The following CCDC180 variants were observed in gnomAD, a reference collection of about 807,000 sequenced individuals.
The protein encoded by CCDC180 is coiled-coil domain containing 180.
CCDC180 carries 154 observed loss-of-function variants against 209.2 expected under a neutral mutation model. The observed-to-expected ratio is 0.74, with a 90% CI of 0.65 to 0.84. The LOEUF is 0.84. CCDC180 is among the 40% of genes least tolerant of loss of function. The probability of loss-of-function intolerance (pLI) is 0.00; values close to 1 mark genes in which losing one functional copy is unlikely to be tolerated. For missense variants in CCDC180, 1,874 were observed against 1,997.3 expected (o/e 0.94, Z 1.18); for synonymous variants, 778 against 749.1 (o/e 1.04, Z -0.63).
intron 25 of CCDC180, among the ~76,000 whole-genome samples, chr9:97,358,516 C>G (rs973648076): frequency 2.0e-5 from 3 of 152,010 alleles, no homozygotes; most frequent in African/African-American, 7.3e-5. Flanking sequence ...AGCGTGGTTC[C>G]AAGCGTTCGC....
chr9:97,331,561 C>T (rs1825751530), intron 18 of CCDC180, among the ~76,000 whole-genome samples: 2 of 152,140 alleles, frequency 1.3e-5, no homozygotes, highest in South Asian at 4.1e-4. Context: ...TTGCCAGCAT[C>T]TGTTGTTTTT....
chr9:97,344,366 G>C (rs1262553470), intron 19 of CCDC180, among the ~76,000 whole-genome samples: 1 of 152,122 alleles, frequency 6.6e-6, no homozygotes, highest in East Asian at 1.9e-4. Flanking sequence ...TCCTACACCT[G>C]AGCAGCATCT....
In CCDC180 at chr9:97,353,806, T is replaced by C. The variant is rs570642610; in HGVS notation, c.3003-763T>C. Among the ~76,000 whole-genome samples the C allele has an allele frequency of 5.9e-5, 9 of 152,298 alleles. No homozygotes were observed. The South Asian group carries it at 1.7e-3, about 28-fold the overall frequency. On this transcript the variant is annotated intron_variant, in intron 22 of 36. Coordinates refer to ENST00000529487, the MANE Select transcript of CCDC180 (RefSeq NM_020893.6). ...CTTGGATCTAGACAGGCAAGAGTCC[T>C]GGTATCTGGTGGGGTTCGTTTCTTC... is the stretch of plus-strand genomic sequence containing the variant.
chr9:97,357,425 C>A (rs776754141), intron 24 of CCDC180, among the ~76,000 whole-genome samples: 2 of 152,164 alleles, frequency 1.3e-5, no homozygotes, highest in Non-Finnish European at 2.9e-5. Flanking sequence ...TCTGGGGTGC[C>A]AATTTTGCTT....
intron 17 of CCDC180, 50 bp downstream of exon 17, chr9:97,330,243 C>T (rs774813103): frequency 6.2e-6 from 10 of 1,609,870 alleles, no homozygotes; most frequent in South Asian, 3.3e-5. Flanking sequence ...CACTCTTACG[C>T]GTTTGTGGGT....
intron 9 of CCDC180, among the ~76,000 whole-genome samples, chr9:97,317,519 A>G (rs887825406): frequency 1.3e-4 from 20 of 152,180 alleles, no homozygotes; most frequent in Non-Finnish European, 1.9e-4. Flanking sequence ...CTTCATGACC[A>G]TTCTCTGAGC....
chr9:97,332,302 A>G (rs1006079978), intron 18 of CCDC180, among the ~76,000 whole-genome samples: 2 of 152,178 alleles, frequency 1.3e-5, no homozygotes, highest in Admixed American at 1.3e-4. Context: ...GTCAAGTAAC[A>G]TGATACCTCC....
At chr9:97,314,364 T>G in intron 5 of CCDC180, 29 bp from the exon 6 acceptor site, 9 of 1,613,338 alleles carry the variant, frequency 5.6e-6, no homozygotes, top group Non-Finnish European at 7.6e-6. Context: ...TGCTGATGCC[T>G]TGGCCATCAT....
chr9:97,307,391 A>T (rs1185816292), upstream of CCDC180: 1 of 530,678 alleles, frequency 1.9e-6, no homozygotes, highest in Non-Finnish European at 3.6e-6. Flanking sequence ...GCAGGCGGGG[A>T]CGCGGCCAGG....
chr9:97,325,756 G>A (rs572550420), intron 14 of CCDC180, among the ~76,000 whole-genome samples: 2 of 152,326 alleles, frequency 1.3e-5, no homozygotes, highest in Admixed American at 6.5e-5. Context: ...GGGTAGTGCC[G>A]GTGCTGGTGG....
At position 97,361,728 on chromosome 9, in the gene CCDC180, C is replaced by T. The variant is rs535597874; in HGVS notation, c.3486C>T (p.Asn1162=). The T allele has an allele frequency of 6.2e-7, 1 of 1,613,836 alleles. No individual in the cohort carries two copies. Among genetic ancestry groups the T allele is most frequent in the Admixed American group, 1.7e-5 (1 of 60,016 alleles). ...RVSMTELVFT[N]TILKDQEEDS... ...AGGCCCTTCTCTCTGGCCTGCAGAA[C>T]ACCATCCTGAAGGACCAGGAGGAAG... The change falls in exon 27 of 37, where the codon AAC becomes AAT. Residue 1162 remains asparagine, a splice_region_variant and synonymous_variant. Transcript: ENST00000529487.
At chr9:97,354,474 C>G (rs1259936615) in intron 22 of CCDC180, 95 bp from the exon 23 acceptor site, 1 of 1,252,606 alleles carries the variant, frequency 8.0e-7, no homozygotes, top group Non-Finnish European at 1.1e-6. Context: ...TAACCGGAAG[C>G]CTAGATTAAA....
In CCDC180 at chr9:97,307,864, T is replaced by C; in HGVS notation, c.-82+58T>C. ...CCTAAGTCGACGTTCCCCAGCCGCCTACCCCCCAGCAGAGAGTCCTTCCCC... is the reference window on the plus strand; with the variant it reads ...CCTAAGTCGACGTTCCCCAGCCGCCCACCCCCCAGCAGAGAGTCCTTCCCC... On this transcript the variant is annotated intron_variant, in intron 1 of 36. Transcript: ENST00000529487. The C allele has an allele frequency of 1.9e-6, 3 of 1,607,934 alleles. No homozygotes were observed. The East Asian group carries it at 6.7e-5, about 36-fold the overall frequency.
At chr9:97,316,043 G>C (rs1042360536) in intron 8 of CCDC180, among the ~76,000 whole-genome samples, 2 of 152,136 alleles carry the variant, frequency 1.3e-5, no homozygotes, top group Non-Finnish European at 2.9e-5. Context: ...TTGTTGGGAG[G>C]ATAATAAAAG....
At chr9:97,314,353 G>A (rs1469800164) in intron 5 of CCDC180, 40 bp from the exon 6 acceptor site, 13 of 1,612,856 alleles carry the variant, frequency 8.1e-6, no homozygotes, top group South Asian at 1.1e-5. Context: ...CTTCCCAGGG[G>A]TGCTGATGCC....
intron 18 of CCDC180, among the ~76,000 whole-genome samples, chr9:97,335,626 C>T (rs7029224): frequency 0.01 from 1,558 of 152,160 alleles, 26 homozygotes; most frequent in African/African-American, 0.034. Context: ...TGAATAGTGC[C>T]GCAATAAACG....
chr9:97,314,929 A>G lies in CCDC180; in HGVS notation c.778A>G (p.Ile260Val), dbSNP rs1833114065. 1 of 1,613,828 alleles carries G rather than the reference A, an allele frequency of 6.2e-7. No homozygotes were observed. Among genetic ancestry groups the G allele is most frequent in the African/African-American group, 1.3e-5 (1 of 74,926 alleles). The change falls in exon 8 of 37, where the codon ATA becomes GTA. Residue 260 changes from isoleucine (I) to valine (V), a missense_variant. By Grantham distance (29) the Ile-to-Val change is conservative. Transcript: ENST00000529487. ...YLMRPEVYRL[I>V]NEEAMVMNYA... ...CATGCGGCCCGAAGTGTACAGGCTG[A>G]TAAATGAAGAAGCCATGGTGAGTGG...
chr9:97,313,380 T>G, intron 5 of CCDC180, 35 bp downstream of exon 5: 1 of 1,487,474 alleles, frequency 6.7e-7, no homozygotes, highest in East Asian at 2.3e-5. Flanking sequence ...CTTCCCTTCC[T>G]GTGCCATTCC....
intron 18 of CCDC180, among the ~76,000 whole-genome samples, chr9:97,339,781 A>G (rs1047812618): frequency 6.6e-6 from 1 of 152,184 alleles, no homozygotes; most frequent in Non-Finnish European, 1.5e-5. Flanking sequence ...TCTGCCTGTC[A>G]CTTTCAGGTA....
Sources: allele counts gnomAD v4.1 joint callset (sites outside exome capture counted in the v4.1 genomes callset), GRCh38; gene constraint gnomAD v4.1.1; transcripts MANE v1.5; gene names NCBI Gene and HGNC (gene_info 2026-07-23, HGNC 2026-07-21).